Variants in CTNND2 observed in about 807,000 individuals in gnomAD.
The protein encoded by CTNND2 is catenin delta-2.
Under a neutral mutation model 144.4 loss-of-function variants are expected in CTNND2, and 22 were observed. The ratio of observed to expected loss-of-function variants is 0.15; its 90% confidence interval spans 0.11 to 0.22. The LOEUF is 0.22. CTNND2 is among the 10% of genes least tolerant of loss of function. The pLI, the probability that CTNND2 is intolerant of heterozygous loss-of-function variation, is 1.00. For synonymous variants in CTNND2, 751 were observed against 695.6 expected (o/e 1.08, Z -1.25); for missense variants, 1,353 against 1,618.8 (o/e 0.84, Z 2.82).
intron 11 of CTNND2, among the ~76,000 whole-genome samples, chr5:11,181,681 G>A (rs1404087977): frequency 6.6e-6 from 1 of 151,506 alleles, no homozygotes; most frequent in African/African-American, 2.4e-5. Context: ...CTGTGTGTGT[G>A]TCTGTGTGGT....
chr5:11,243,599 G>A (rs187577598), intron 9 of CTNND2, among the ~76,000 whole-genome samples: 1 of 152,268 alleles, frequency 6.6e-6, no homozygotes, highest in African/African-American at 2.4e-5. Flanking sequence ...ATGGAAATGG[G>A]GATATGCAAA....
chr5:11,114,905 AC>A (rs1377515256), intron 13 of CTNND2, among the ~76,000 whole-genome samples: 1 of 151,362 alleles, frequency 6.6e-6, no homozygotes, highest in Non-Finnish European at 1.5e-5. Context: ...ATACATTAAA[AC>A]CCAATAGCAC....
chr5:11,648,987 T>G (rs944194684), intron 2 of CTNND2, among the ~76,000 whole-genome samples: 17 of 152,242 alleles, frequency 1.1e-4, no homozygotes, highest in African/African-American at 3.9e-4. Flanking sequence ...AAGAGAATAT[T>G]AATTCCCATC....
intron 16 of CTNND2, among the ~76,000 whole-genome samples, chr5:11,076,874 G>T (rs61750290): frequency 6.6e-6 from 1 of 152,198 alleles, no homozygotes; most frequent in Non-Finnish European, 1.5e-5. Flanking sequence ...AATGATCTAC[G>T]AAGAATTCTA....
chr5:11,555,184 A>G (rs953018203), intron 3 of CTNND2, among the ~76,000 whole-genome samples: 1 of 152,164 alleles, frequency 6.6e-6, no homozygotes, highest in African/African-American at 2.4e-5. Flanking sequence ...CTGGTTTCGC[A>G]TATGCTTGTC....
intron 1 of CTNND2, among the ~76,000 whole-genome samples, chr5:11,839,004 A>G (rs1298306954): frequency 6.6e-6 from 1 of 152,204 alleles, no homozygotes; most frequent in Non-Finnish European, 1.5e-5. Flanking sequence ...GTAATATTAT[A>G]TGATTTATCG....
chr5:11,682,280 A>C (rs796452581), intron 2 of CTNND2, among the ~76,000 whole-genome samples: 39 of 152,350 alleles, frequency 2.6e-4, no homozygotes, highest in African/African-American at 9.1e-4. Context: ...GGCTGGGGAC[A>C]ATATTTTTTA....
At chr5:11,355,739 A>G (rs1755802956) in intron 8 of CTNND2, among the ~76,000 whole-genome samples, 1 of 152,134 alleles carries the variant, frequency 6.6e-6, no homozygotes, top group Non-Finnish European at 1.5e-5. Flanking sequence ...AGAAAGTCAA[A>G]TTGTCTCTGT....
rs117670732 is a variant in CTNND2 at position 11,749,405 on chromosome 5, G to A, written c.38-17133C>T. The stretch of plus-strand genomic sequence containing the variant: ...CTGAGGTTTCAGTGATTTCATTATA[G>A]TCTTTTTTTGACACCAGCACATGGA... On this transcript the variant is annotated intron_variant, in intron 1 of 21. Transcript: ENST00000304623. 3.9e-4 allele frequency among the ~76,000 whole-genome samples: 60 copies of A among 152,086 alleles called. No individual in the cohort carries two copies. In the East Asian group the frequency reaches 0.011, roughly 28 times the overall value.
In CTNND2 at chr5:11,539,659, G is replaced by A. The variant is rs184705616; in HGVS notation, c.287+25285C>T. Among the ~76,000 whole-genome samples, 12 of 152,324 alleles carry A rather than the reference G, an allele frequency of 7.9e-5. No homozygotes were observed. The East Asian group carries it at 2.3e-3, about 29-fold the overall frequency. On this transcript the variant is annotated intron_variant, in intron 3 of 21. Transcript: ENST00000304623. Reference sequence around the variant, plus strand: ...GGTCAGTGGAATTTGCAGCCTTTCTGCAGCCAATATGAAGCCTTCAATGCC... The same window carrying A: ...GGTCAGTGGAATTTGCAGCCTTTCTACAGCCAATATGAAGCCTTCAATGCC...
intron 1 of CTNND2, among the ~76,000 whole-genome samples, chr5:11,882,477 C>T (rs923487825): frequency 1.3e-4 from 19 of 149,618 alleles, no homozygotes; most frequent in East Asian, 9.9e-4. Context: ...TAGTTTATAC[C>T]GAAGAATCTC....
intron 11 of CTNND2, among the ~76,000 whole-genome samples, chr5:11,176,804 G>A (rs769223676): frequency 6.6e-6 from 1 of 151,992 alleles, no homozygotes. Flanking sequence ...TATCTCAACT[G>A]GCTATTTATT....
At chr5:11,601,411 A>C (rs1327266432) in intron 2 of CTNND2, among the ~76,000 whole-genome samples, 1 of 152,154 alleles carries the variant, frequency 6.6e-6, no homozygotes, top group Non-Finnish European at 1.5e-5. Context: ...AATGAAAGGA[A>C]GGCACATCAT....
At chr5:11,568,406 CT>C (rs1361855404) in intron 2 of CTNND2, among the ~76,000 whole-genome samples, 2 of 152,134 alleles carry the variant, frequency 1.3e-5, no homozygotes, top group Non-Finnish European at 2.9e-5. Context: ...AGCCAAGGGT[CT>C]ATGGCTTACA....
intron 9 of CTNND2, among the ~76,000 whole-genome samples, chr5:11,250,491 C>CTCTCTCTCTCTATA (rs869141186): frequency 1.1e-3 from 71 of 64,102 alleles, no homozygotes; most frequent in African/African-American, 5.0e-3. Context: ...CTCTCTCTCT[C>CTCTCTCTCTCTATA]TATATATATA....
intron 9 of CTNND2, among the ~76,000 whole-genome samples, chr5:11,264,049 C>A (rs1302829361): frequency 6.6e-6 from 1 of 152,144 alleles, no homozygotes; most frequent in Non-Finnish European, 1.5e-5. Context: ...ACATGTTTTG[C>A]TAAGAGCATT....
At chr5:11,740,061 C>T (rs1302902541) in intron 1 of CTNND2, among the ~76,000 whole-genome samples, 1 of 152,138 alleles carries the variant, frequency 6.6e-6, no homozygotes, top group South Asian at 2.1e-4. Context: ...AATGCAAGAA[C>T]ATTCCATGCT....
chr5:11,192,766 C>A (rs920585739), intron 11 of CTNND2, among the ~76,000 whole-genome samples: 2 of 152,138 alleles, frequency 1.3e-5, no homozygotes, highest in African/African-American at 4.8e-5. Flanking sequence ...CCAGGTGAGT[C>A]TGTGTCAGGC....
chr5:11,470,980 A>ATATATATATATATATATATATATATAT, intron 3 of CTNND2, among the ~76,000 whole-genome samples: 1 of 91,534 alleles, frequency 1.1e-5, no homozygotes, highest in Non-Finnish European at 2.0e-5. Context: ...ATATATATAT[A>ATATATATATATATATATATATATATAT]TTTTTTTTTT....
Sources: gnomAD v4.1 joint callset for allele counts (sites outside exome capture counted in the v4.1 genomes callset) on GRCh38, gnomAD v4.1.1 for gene constraint, MANE v1.5 for transcripts, NCBI Gene and HGNC (gene_info 2026-07-23, HGNC 2026-07-21) for gene names.